TRAF3: variants seen among roughly 807,000 people sequenced by gnomAD.
TRAF3 encodes the protein TNF receptor-associated factor 3.
In TRAF3, 13 loss-of-function variants were observed where a neutral mutation model predicts 62.3. The observed-to-expected ratio is 0.21, with a 90% confidence interval of 0.14 to 0.33. The LOEUF (loss-of-function observed/expected upper bound fraction) is 0.33, where lower values mean the gene tolerates loss of function less well. Among genes scored for constraint, TRAF3 ranks in the 10% least tolerant of loss-of-function variants. The probability of loss-of-function intolerance (pLI) is 1.00; values close to 1 mark genes in which losing one functional copy is unlikely to be tolerated. For synonymous variants in TRAF3, 269 were observed against 283.4 expected (o/e 0.95, Z 0.51); for missense variants, 440 against 741.8 (o/e 0.59, Z 4.73).
At chr14:102,866,187 C>A (rs1887980545) in intron 2 of TRAF3, among the ~76,000 whole-genome samples, 3 of 152,094 alleles carry the variant, frequency 2.0e-5, no homozygotes, top group Admixed American at 6.5e-5. Flanking sequence ...AATAGAAAAC[C>A]AAACACCACA....
Position 102,869,542 on chromosome 14 carries a change from C to G in TRAF3, c.-17-643C>G, listed in dbSNP as rs180675547. Among the ~76,000 whole-genome samples the G allele has an allele frequency of 5.7e-3, 868 of 152,188 alleles. 8 individuals carry two copies. The highest frequency in any genetic ancestry group is 9.9e-3 in the Admixed American group (151 of 15,304). On this transcript the variant is annotated intron_variant, in intron 2 of 11. Coordinates refer to ENST00000392745, the MANE Select transcript of TRAF3 (RefSeq NM_145725.3). ...AACATTTTTGGCTGGTGTGGTGGCT[C>G]ACACCTGTAATCCCAGCACTTTGGG... is the stretch of plus-strand genomic sequence containing the variant.
intron 1 of TRAF3, among the ~76,000 whole-genome samples, chr14:102,814,886 G>A (rs115710362): frequency 6.6e-6 from 1 of 152,170 alleles, no homozygotes; most frequent in Non-Finnish European, 1.5e-5. Flanking sequence ...ATGAAGTCCA[G>A]TTTATCTACT....
intron 2 of TRAF3, among the ~76,000 whole-genome samples, chr14:102,837,289 C>G (rs1040929314): frequency 6.6e-6 from 1 of 151,908 alleles, no homozygotes; most frequent in African/African-American, 2.4e-5. Context: ...CAGGTGCATG[C>G]CACCACACCT....
intron 1 of TRAF3, among the ~76,000 whole-genome samples, chr14:102,793,375 G>T (rs1897906417): frequency 6.6e-6 from 1 of 151,616 alleles, no homozygotes; most frequent in Admixed American, 6.6e-5. Flanking sequence ...GCTGGTCTTC[G>T]ACTCCAGGCC....
At chr14:102,797,515 C>G (rs928022135) in intron 1 of TRAF3, among the ~76,000 whole-genome samples, 1 of 152,106 alleles carries the variant, frequency 6.6e-6, no homozygotes, top group East Asian at 1.9e-4. Context: ...GCAGAAACCC[C>G]GCAGTGGAAG....
At chr14:102,804,615 G>A (rs966610732) in intron 1 of TRAF3, among the ~76,000 whole-genome samples, 1 of 152,106 alleles carries the variant, frequency 6.6e-6, no homozygotes, top group Non-Finnish European at 1.5e-5. Context: ...AGCCTCCCAA[G>A]TAGCTGGAAC....
chr14:102,867,238 T>TA (rs1254169179), intron 2 of TRAF3, among the ~76,000 whole-genome samples: 1 of 152,212 alleles, frequency 6.6e-6, no homozygotes, highest in Non-Finnish European at 1.5e-5. Context: ...CTCTTTCTGT[T>TA]ACGGGCAAGA....
intron 3 of TRAF3, 22 bp from the exon 4 acceptor site, chr14:102,871,895 A>G (rs1349579314): frequency 6.2e-7 from 1 of 1,612,998 alleles, no homozygotes; most frequent in Non-Finnish European, 8.5e-7. Context: ...ACTCTAATGC[A>G]GTCACTTGTG....
intron 2 of TRAF3, among the ~76,000 whole-genome samples, chr14:102,864,165 T>G (rs1440969712): frequency 4.7e-5 from 7 of 149,432 alleles, no homozygotes; most frequent in African/African-American, 1.2e-4. Context: ...TTTTTTTTTT[T>G]GGAGACGGAT....
In TRAF3 at chr14:102,903,150, G is replaced by A. The variant is rs141285117; in HGVS notation, c.961-105G>A. The A allele has an allele frequency of 7.8e-4, 1,189 of 1,523,472 alleles. 11 individuals carry two copies. The African/African-American group carries it at 0.014, about 17-fold the overall frequency. The allele number at this position is 1,523,472 out of a possible 1,614,324, so 94.4% of individuals were successfully genotyped here. On this transcript the variant is annotated intron_variant, in intron 10 of 11. Coordinates refer to ENST00000392745, the MANE Select transcript of TRAF3 (RefSeq NM_145725.3). The surrounding 1 kb of genome is among the most constrained non-coding windows in gnomAD (Gnocchi z 6.4). ...CGCGGGTGGCAGGCCTCATACAGGG[G>A]CCTCTGACTGTTCTGCTCCTAGCCT...
intron 2 of TRAF3, among the ~76,000 whole-genome samples, chr14:102,864,828 G>T (rs1887888225): frequency 6.6e-6 from 1 of 152,178 alleles, no homozygotes; most frequent in African/African-American, 2.4e-5. Context: ...ACCTGGGGCA[G>T]ATTCGCCTCC....
intron 1 of TRAF3, among the ~76,000 whole-genome samples, chr14:102,829,872 G>C (rs989678690): frequency 1.3e-5 from 2 of 152,214 alleles, no homozygotes; most frequent in African/African-American, 2.4e-5. Context: ...GCTCACACCT[G>C]TAATCCCAGC....
Position 102,891,321 on chromosome 14 carries a change from G to T in TRAF3, c.727-4G>T, listed in dbSNP as rs750091557. 4 of 1,612,290 alleles carry T rather than the reference G, an allele frequency of 2.5e-6. No individual in the cohort carries two copies. Among genetic ancestry groups the T allele is most frequent in the South Asian group, 1.1e-5 (1 of 90,886 alleles). ...CTGAATGCCTCACATGTTTGCTCTC[G>T]CAGGGGACAAACCAGCAGATCAAGG... On this transcript the variant is annotated splice_polypyrimidine_tract_variant and splice_region_variant and intron_variant, in intron 8 of 11. Transcript: ENST00000392745.
chr14:102,862,967 T>G (rs911897353), intron 2 of TRAF3, among the ~76,000 whole-genome samples: 1 of 152,152 alleles, frequency 6.6e-6, no homozygotes, highest in Non-Finnish European at 1.5e-5. Flanking sequence ...TTAAACTATT[T>G]TTTTCTTTAT....
At chr14:102,891,233 G>A (rs909048499) in intron 8 of TRAF3, 92 bp from the exon 9 acceptor site, 99 of 1,213,576 alleles carry the variant, frequency 8.2e-5, no homozygotes, top group Non-Finnish European at 9.7e-5. Context: ...CCCTCTTTGT[G>A]TTTAGTGCTG....
intron 2 of TRAF3, among the ~76,000 whole-genome samples, chr14:102,843,659 G>A (rs1381264957): frequency 6.6e-6 from 1 of 152,022 alleles, no homozygotes; most frequent in Admixed American, 6.5e-5. Flanking sequence ...GTTTCCATCT[G>A]GGGCCAGGCA....
intron 1 of TRAF3, among the ~76,000 whole-genome samples, chr14:102,782,807 T>A (rs1320663613): frequency 6.6e-6 from 1 of 152,168 alleles, no homozygotes; most frequent in Non-Finnish European, 1.5e-5. Context: ...CTGATTTCCT[T>A]TCCAGCTGAA....
chr14:102,831,155 G>A (rs777666467), intron 2 of TRAF3, among the ~76,000 whole-genome samples: 1 of 152,178 alleles, frequency 6.6e-6, no homozygotes, highest in Non-Finnish European at 1.5e-5. Context: ...CTGCACCTGG[G>A]CTGGGTGTGT....
rs1028578910 is a variant in TRAF3, at chr14:102,879,419, G to A, written c.570+2894G>A. Reference sequence around the variant, plus strand: ...ACCATAGGTGCATGCTACCATGCCTGGCTAATTTTTGTATTTTTTGTAGAG... The same window carrying A: ...ACCATAGGTGCATGCTACCATGCCTAGCTAATTTTTGTATTTTTTGTAGAG... On this transcript the variant is annotated intron_variant, in intron 6 of 11. Transcript: ENST00000392745. Among the ~76,000 whole-genome samples the A allele has an allele frequency of 2.0e-5, 3 of 152,094 alleles. No individual in the cohort carries two copies. The East Asian group carries it at 5.9e-4, about 30-fold the overall frequency.
Sources: allele counts gnomAD v4.1 joint callset (sites outside exome capture counted in the v4.1 genomes callset), GRCh38; gene constraint gnomAD v4.1.1; non-coding constraint Gnocchi (gnomAD v3.1); transcripts MANE v1.5; gene names NCBI Gene and HGNC (gene_info 2026-07-23, HGNC 2026-07-21).